The following PLPPR4 variants were observed in gnomAD, a reference collection of about 807,000 sequenced individuals.
PLPPR4 encodes phospholipid phosphatase-related protein type 4.
PLPPR4 carries 24 observed loss-of-function variants against 56.6 expected under a neutral mutation model. The observed-to-expected ratio is 0.42, with a 90% CI of 0.31 to 0.60. The LOEUF is 0.60. Ranked by LOEUF, PLPPR4 falls within the 20% of genes least tolerant of loss-of-function variation. PLPPR4 has a pLI of 0.13. For synonymous variants in PLPPR4, 326 were observed against 328.1 expected (o/e 0.99, Z 0.07); for missense variants, 654 against 885.8 (o/e 0.74, Z 3.32).
At chr1:99,303,134 T>G (rs1377644586) in intron 6 of PLPPR4, among the ~76,000 whole-genome samples, 1 of 151,978 alleles carries the variant, frequency 6.6e-6, no homozygotes, top group African/African-American at 2.4e-5. Flanking sequence ...TGTTGTTGTT[T>G]TTAATGGGAG....
chr1:99,268,986 T>C (rs1658980224), intron 1 of PLPPR4, among the ~76,000 whole-genome samples: 1 of 152,198 alleles, frequency 6.6e-6, no homozygotes, highest in African/African-American at 2.4e-5. Context: ...TGCAGTTTTG[T>C]TACATAGGTA....
chr1:99,268,633 T>C (rs538919241), intron 1 of PLPPR4, among the ~76,000 whole-genome samples: 38 of 152,334 alleles, frequency 2.5e-4, no homozygotes, highest in Non-Finnish European at 5.1e-4. Flanking sequence ...GATGGTGACT[T>C]GAAAAATACG....
chr1:99,270,440 A>G (rs1218168358), intron 1 of PLPPR4, among the ~76,000 whole-genome samples: 1 of 152,238 alleles, frequency 6.6e-6, no homozygotes, highest in Non-Finnish European at 1.5e-5. Context: ...TGTTCAGAAG[A>G]AGAAGCCATT....
At chr1:99,274,169 T>C (rs1319040040) in intron 1 of PLPPR4, among the ~76,000 whole-genome samples, 1 of 152,022 alleles carries the variant, frequency 6.6e-6, no homozygotes, top group Non-Finnish European at 1.5e-5. Context: ...ATTTTTTTTT[T>C]ACTTTTTTAA....
intron 6 of PLPPR4, 52 bp from the exon 7 acceptor site, chr1:99,305,633 C>A: frequency 6.4e-7 from 1 of 1,562,180 alleles, no homozygotes; most frequent in South Asian, 1.2e-5. Flanking sequence ...TAAGGAAACC[C>A]TAGTGACTGT....
chr1:99,305,158 G>A (rs1659986490), intron 6 of PLPPR4, among the ~76,000 whole-genome samples: 1 of 152,114 alleles, frequency 6.6e-6, no homozygotes, highest in Non-Finnish European at 1.5e-5. Context: ...ACACAAGGCT[G>A]TAGTCAGTGC....
rs41285716 is a variant in PLPPR4 at position 99,307,335 on chromosome 1, C to T, written c.*325C>T. 598 of 255,746 alleles carry T rather than the reference C, an allele frequency of 2.3e-3. 1 individual carries two copies. The highest frequency in any genetic ancestry group is 3.5e-3 in the Non-Finnish European group (470 of 133,524). The allele number at this position is 255,746 out of a possible 1,614,324, so 15.8% of individuals were successfully genotyped here. On this transcript the variant is annotated 3_prime_UTR_variant, in exon 7 of 7. Transcript: ENST00000370185. ...ATACTATTTTACTTCCTGAATGTGCCAACTTTGGGGATTTTTCTTTATAGT... is the reference window on the plus strand; with the variant it reads ...ATACTATTTTACTTCCTGAATGTGCTAACTTTGGGGATTTTTCTTTATAGT...
Position 99,306,477 on chromosome 1 carries a change from G to T in PLPPR4, c.1615G>T (p.Gly539Cys). The T allele has an allele frequency of 6.2e-7, 1 of 1,614,130 alleles. No individual in the cohort carries two copies. The highest frequency in any genetic ancestry group is 8.5e-7 in the Non-Finnish European group (1 of 1,180,016). Residue 539 changes from glycine to cysteine, a missense_variant, in exon 7 of 7, where the codon GGT (glycine) becomes TGT (cysteine). Gly to Cys is a radical substitution (Grantham distance 159, BLOSUM62 -3). Around this residue, in one of 2 missense-constraint regions of PLPPR4, gnomAD observed 468 missense variants for 554.3 expected, o/e 0.84. Transcript: ENST00000370185. The surrounding 1 kb of genome is among the most constrained non-coding windows in gnomAD (Gnocchi z 4.0). The part of the protein sequence containing the change: ...MQVIAMSKQQ[G>C]VLQSSPKNTE... ...AGTCATAGCCATGTCCAAGCAGCAG[G>T]GTGTCCTCCAAAGCAGCCCCAAGAA...
chr1:99,306,861 T>C lies in PLPPR4; in HGVS notation c.1999T>C (p.Ser667Pro), dbSNP rs766648874. The C allele has an allele frequency of 6.2e-7, 1 of 1,614,096 alleles. No individual in the cohort carries two copies. Among genetic ancestry groups the C allele is most frequent in the South Asian group, 1.1e-5 (1 of 91,078 alleles). The change falls in exon 7 of 7, where the codon TCA (serine) becomes CCA (proline). Residue 667 changes from serine to proline, a missense_variant. Around this residue, in one of 2 missense-constraint regions of PLPPR4, gnomAD observed 468 missense variants for 554.3 expected, o/e 0.84. Transcript: ENST00000370185. This position sits in a 1 kb window ranked among gnomAD's most constrained non-coding sequence, Gnocchi z 4.0. ...VTPVEGSEIG[S>P]ETLSISSSRD... ...CCCAGTAGAGGGCAGCGAAATTGGC[T>C]CAGAGACGCTGTCCATTTCTTCTTC...
At chr1:99,291,596 T>TA (rs372563310) in intron 2 of PLPPR4, among the ~76,000 whole-genome samples, 10 of 152,056 alleles carry the variant, frequency 6.6e-5, no homozygotes, top group Admixed American at 2.6e-4. Flanking sequence ...TATGCAGCCA[T>TA]AAAAAAATGA....
intron 1 of PLPPR4, among the ~76,000 whole-genome samples, chr1:99,272,720 G>A (rs553217128): frequency 6.6e-6 from 1 of 152,244 alleles, no homozygotes; most frequent in South Asian, 2.1e-4. Context: ...CTAACAGAGA[G>A]TACAGGGAAG....
intron 1 of PLPPR4, among the ~76,000 whole-genome samples, chr1:99,285,412 C>T (rs566566061): frequency 6.6e-6 from 1 of 152,136 alleles, no homozygotes; most frequent in East Asian, 1.9e-4. Flanking sequence ...GCATGCACCA[C>T]GAAGCGCTGA....
upstream of PLPPR4, chr1:99,263,848 A>T (rs1360816210): frequency 2.0e-5 from 3 of 152,290 alleles, no homozygotes; most frequent in Non-Finnish European, 4.4e-5. Flanking sequence ...GCCTCTCTGG[A>T]TGCAAGGAAC....
chr1:99,269,719 A>T (rs1355543451), intron 1 of PLPPR4, among the ~76,000 whole-genome samples: 1 of 152,240 alleles, frequency 6.6e-6, no homozygotes, highest in Non-Finnish European at 1.5e-5. Context: ...TGCTAATTTT[A>T]TGAAGGCAGA....
upstream of PLPPR4, among the ~76,000 whole-genome samples, chr1:99,263,786 A>C (rs565995135): frequency 6.6e-6 from 1 of 152,346 alleles, no homozygotes; most frequent in South Asian, 2.1e-4. Flanking sequence ...TAGAACATAC[A>C]GTAGCCTCTG....
intron 1 of PLPPR4, among the ~76,000 whole-genome samples, chr1:99,281,434 A>C (rs1659322255): frequency 6.6e-6 from 1 of 152,206 alleles, no homozygotes; most frequent in Non-Finnish European, 1.5e-5. Flanking sequence ...TGACACTTCA[A>C]GTGTTAGTCT....
At chr1:99,271,026 A>G (rs1357543735) in intron 1 of PLPPR4, among the ~76,000 whole-genome samples, 6 of 152,356 alleles carry the variant, frequency 3.9e-5, no homozygotes, top group African/African-American at 1.4e-4. Flanking sequence ...ATTCCTAAAC[A>G]CCACCACTAT....
intron 1 of PLPPR4, among the ~76,000 whole-genome samples, chr1:99,278,009 G>C (rs1278272337): frequency 6.6e-6 from 1 of 152,032 alleles, no homozygotes; most frequent in Non-Finnish European, 1.5e-5. Flanking sequence ...TACCTTTTTA[G>C]AGGATATGAA....
At chr1:99,278,050 T>C (rs541768946) in intron 1 of PLPPR4, among the ~76,000 whole-genome samples, 9 of 152,124 alleles carry the variant, frequency 5.9e-5, no homozygotes, top group Non-Finnish European at 1.3e-4. Flanking sequence ...ACTATAGAAA[T>C]TGTAGGGTAG....
Sources: allele counts gnomAD v4.1 joint callset (sites outside exome capture counted in the v4.1 genomes callset), GRCh38; gene constraint gnomAD v4.1.1; regional missense constraint gnomAD v4.1.1; non-coding constraint Gnocchi (gnomAD v3.1); transcripts MANE v1.5; gene names NCBI Gene and HGNC (gene_info 2026-07-23, HGNC 2026-07-21).